PLEKHD1: variants seen among roughly 807,000 people sequenced by gnomAD.
PLEKHD1 encodes pleckstrin homology domain-containing family D member 1.
A neutral mutation model predicts 69.2 loss-of-function variants in PLEKHD1; 51 were observed. That is an observed-to-expected ratio of 0.74 (90% CI 0.59 to 0.93). The LOEUF is 0.93. PLEKHD1 is among the 40% of genes least tolerant of loss of function. The pLI is 0.00. For missense variants in PLEKHD1, 584 were observed against 641.0 expected, an observed-to-expected ratio of 0.91 and a Z score of 0.96; for synonymous variants, 236 against 244.7, an observed-to-expected ratio of 0.96 and a Z score of 0.33.
rs1443536074 is a variant in PLEKHD1 at position 69,520,237 on chromosome 14, A to T, written c.556-2046A>T. On this transcript the variant is annotated intron_variant, in intron 6 of 12. Transcript: ENST00000322564. The stretch of plus-strand genomic sequence containing the variant: ...GTTATTTTCCAGTGTAAGCCCAGGG[A>T]TGCTTACAGCTTGTAATTTCCCCAG... 4.1e-5 allele frequency among the ~76,000 whole-genome samples: 6 copies of T among 146,576 alleles called. No homozygotes were observed. In the Admixed American group the frequency reaches 4.1e-4, roughly 10 times the overall value.
At chr14:69,499,106 G>T (rs1882962364) in intron 1 of PLEKHD1, among the ~76,000 whole-genome samples, 1 of 152,168 alleles carries the variant, frequency 6.6e-6, no homozygotes, top group Non-Finnish European at 1.5e-5. Context: ...CCACTATTGA[G>T]CTACCAACAC....
rs944298373 is a variant in PLEKHD1, at chr14:69,530,823, C to G, written c.*2404C>G. 1.3e-5 allele frequency: 2 copies of G among 152,150 alleles called. No individual in the cohort carries two copies. The highest frequency in any genetic ancestry group is 4.8e-5 in the African/African-American group (2 of 41,426). 9.4% of individuals were successfully genotyped at this position (152,150 alleles called of 1,614,324 possible). ...TTCTTTTATAACAAACCCACCCCCT[C>G]GATAATGACATTAATCCTTTCATAA... On this transcript the variant is annotated 3_prime_UTR_variant, in exon 13 of 13. Transcript: ENST00000322564.
In PLEKHD1 at chr14:69,485,124, C is replaced by T; in HGVS notation, c.149+10C>T. ...CCAAGTGGTCCCGGCGGTGAGTGCG[C>T]CCCCGCGCCCCAAGGAGACCGCCGG... is the stretch of plus-strand genomic sequence containing the variant. On this transcript the variant is annotated intron_variant, in intron 1 of 12. Transcript: ENST00000322564. 3 of 1,547,104 alleles carry T rather than the reference C, an allele frequency of 1.9e-6. No homozygotes were observed. Among genetic ancestry groups the T allele is most frequent in the Non-Finnish European group, 2.6e-6 (3 of 1,144,964 alleles).
At chr14:69,499,067 C>G (rs752152371) in intron 1 of PLEKHD1, among the ~76,000 whole-genome samples, 28 of 152,114 alleles carry the variant, frequency 1.8e-4, no homozygotes, top group Non-Finnish European at 3.1e-4. Flanking sequence ...TAGGATTGGA[C>G]TTGCATGGTG....
Position 69,484,737 on chromosome 14 carries a change from G to C in PLEKHD1, c.-229G>C, listed in dbSNP as rs1366316839. 3 of 489,706 alleles carry C rather than the reference G, an allele frequency of 6.1e-6. No individual in the cohort carries two copies. Among genetic ancestry groups the C allele is most frequent in the Non-Finnish European group, 7.2e-6 (2 of 278,708 alleles). 30.3% of individuals were successfully genotyped at this position (489,706 alleles called of 1,614,324 possible). A position where few individuals can be genotyped will look rare whatever the true frequency, so the allele number is the denominator to read the frequency against. ...GAGCCACCCTCCCCGCGGAGTTCCC[G>C]CCCGGCCCTCTGCAATCCGGAGCCC... On this transcript the variant is annotated 5_prime_UTR_variant, in exon 1 of 13. Coordinates refer to ENST00000322564, the MANE Select transcript of PLEKHD1 (RefSeq NM_001161498.2).
At chr14:69,471,771 T>C in the PLEKHD1 span, among the ~76,000 whole-genome samples, 74 of 152,170 alleles carry the variant, frequency 4.9e-4, no homozygotes, top group Non-Finnish European at 6.8e-4. Context: ...CCACCACCCA[T>C]GGTAGTCTAG....
the PLEKHD1 span, among the ~76,000 whole-genome samples, chr14:69,473,320 T>C: frequency 6.6e-6 from 1 of 152,098 alleles, no homozygotes; most frequent in Non-Finnish European, 1.5e-5. Context: ...TTTCTCAGAA[T>C]GTGTCCCTAC....
At chr14:69,493,150 A>G (rs550893615) in intron 1 of PLEKHD1, among the ~76,000 whole-genome samples, 2 of 152,360 alleles carry the variant, frequency 1.3e-5, no homozygotes, top group Admixed American at 6.5e-5. Flanking sequence ...TCAGCAAATC[A>G]TCAAGCTCCA....
chr14:69,498,492 G>A (rs1347359612), intron 1 of PLEKHD1, among the ~76,000 whole-genome samples: 2 of 152,180 alleles, frequency 1.3e-5, no homozygotes, highest in African/African-American at 2.4e-5. Context: ...GCCTGCCTCC[G>A]CATAGCAGCT....
chr14:69,515,514 A>G (rs1883365864), intron 6 of PLEKHD1, among the ~76,000 whole-genome samples: 1 of 152,208 alleles, frequency 6.6e-6, no homozygotes, highest in Non-Finnish European at 1.5e-5. Context: ...CTATAAAGAA[A>G]TACCTGAGAC....
upstream of PLEKHD1, among the ~76,000 whole-genome samples, chr14:69,483,103 C>T (rs76303500): frequency 0.12 from 18,720 of 152,078 alleles, 1,383 homozygotes; most frequent in Middle Eastern, 0.26. Context: ...AGCCAAGCCC[C>T]GGGCCCTGTG....
chr14:69,480,478 GA>G (rs747688794), upstream of PLEKHD1, among the ~76,000 whole-genome samples: 8 of 152,316 alleles, frequency 5.3e-5, no homozygotes, highest in East Asian at 9.7e-4. Flanking sequence ...GCAGGGAGCT[GA>G]GGAGTTGGCA....
upstream of PLEKHD1, among the ~76,000 whole-genome samples, chr14:69,481,110 T>C (rs1882533884): frequency 6.6e-6 from 1 of 152,120 alleles, no homozygotes; most frequent in South Asian, 2.1e-4. Context: ...ATTATAAAAA[T>C]GTATGTTCAA....
intron 6 of PLEKHD1, among the ~76,000 whole-genome samples, chr14:69,519,053 A>C (rs555181235): frequency 6.6e-6 from 1 of 152,298 alleles, no homozygotes; most frequent in South Asian, 2.1e-4. Context: ...GCCAGGCAGC[A>C]GCTGAAGGGA....
intron 1 of PLEKHD1, among the ~76,000 whole-genome samples, chr14:69,492,616 A>G (rs1047502281): frequency 6.6e-5 from 10 of 152,204 alleles, no homozygotes; most frequent in African/African-American, 2.2e-4. Context: ...ATTCCCAGCT[A>G]TGTGATCTGG....
rs367854081 is a variant in PLEKHD1 at position 69,522,898 on chromosome 14, C to A, written c.650+521C>A. On this transcript the variant is annotated intron_variant, in intron 7 of 12. Transcript: ENST00000322564. Reference sequence around the variant, plus strand: ...TCTCTATATATATACATGTATATATCTATATACATGTATATATGTATATAT... The same window carrying A: ...TCTCTATATATATACATGTATATATATATATACATGTATATATGTATATAT... Among the ~76,000 whole-genome samples, 67 of 151,816 alleles carry A rather than the reference C, an allele frequency of 4.4e-4. No individual in the cohort carries two copies. In the South Asian group the frequency reaches 7.5e-3, roughly 17 times the overall value.
At chr14:69,487,988 GACCC>G (rs1221137313) in intron 1 of PLEKHD1, among the ~76,000 whole-genome samples, 1 of 152,124 alleles carries the variant, frequency 6.6e-6, no homozygotes, top group African/African-American at 2.4e-5. Flanking sequence ...TAAGGAGGAG[GACCC>G]ACCCACTTCC....
intron 6 of PLEKHD1, among the ~76,000 whole-genome samples, chr14:69,510,884 G>A (rs1039773585): frequency 6.6e-6 from 1 of 152,154 alleles, no homozygotes; most frequent in African/African-American, 2.4e-5. Flanking sequence ...TATGATGTTA[G>A]CTGTAGGTGT....
At chr14:69,503,454 G>A in intron 6 of PLEKHD1, 1 of 154,370 alleles carries the variant, frequency 6.5e-6, no homozygotes, top group Non-Finnish European at 1.4e-5. Flanking sequence ...ACTGTGGGAG[G>A]CCAAGGCGGG....
Sources: allele counts gnomAD v4.1 joint callset (sites outside exome capture counted in the v4.1 genomes callset), GRCh38; gene constraint gnomAD v4.1.1; transcripts MANE v1.5; gene names NCBI Gene and HGNC (gene_info 2026-07-23, HGNC 2026-07-21).